Variants in CKM observed in about 807,000 individuals in gnomAD.
CKM encodes the protein creatine kinase, M-type.
CKM carries 28 observed loss-of-function variants against 35.4 expected under a neutral mutation model. The observed-to-expected ratio is 0.79, with a 90% CI of 0.59 to 1.08. The LOEUF (loss-of-function observed/expected upper bound fraction) is 1.08, where lower values mean the gene tolerates loss of function less well. CKM is among the 50% of genes least tolerant of loss of function. The pLI, the probability that CKM is intolerant of heterozygous loss-of-function variation, is 0.00. For synonymous variants in CKM, 215 were observed against 204.4 expected (o/e 1.05, Z -0.44); for missense variants, 484 against 509.8 (o/e 0.95, Z 0.49).
intron 4 of CKM, among the ~76,000 whole-genome samples, chr19:45,312,169 C>T (rs1971116560): frequency 6.6e-6 from 1 of 152,244 alleles, no homozygotes; most frequent in African/African-American, 2.4e-5. Flanking sequence ...CCCACCTCTT[C>T]CCCTGAGGGA....
At chr19:45,319,245 C>T (rs933175465) in intron 2 of CKM, among the ~76,000 whole-genome samples, 3 of 152,168 alleles carry the variant, frequency 2.0e-5, no homozygotes, top group Non-Finnish European at 4.4e-5. Flanking sequence ...AACGTGGGCG[C>T]CCATTTTTCA....
intron 3 of CKM, 65 bp downstream of exon 3, chr19:45,317,760 C>T (rs1971172493): frequency 6.5e-7 from 1 of 1,540,434 alleles, no homozygotes; most frequent in South Asian, 1.1e-5. Context: ...TCTGTCTCCC[C>T]CCATTTCTCC....
At chr19:45,315,033 G>A (rs1019549914) in intron 4 of CKM, among the ~76,000 whole-genome samples, 2 of 152,162 alleles carry the variant, frequency 1.3e-5, no homozygotes, top group African/African-American at 2.4e-5. Flanking sequence ...GGCTCCCCTC[G>A]GTCATTCTCC....
rs1971054362 is a variant in CKM at position 45,306,671 on chromosome 19, G to A, written c.*79C>T. ...ACTCTGGGACAGGGGGCGGGGCGAG[G>A]AGTGAGGGAGCAGGACTCTGGTGGG... On this transcript the variant is annotated 3_prime_UTR_variant, in exon 8 of 8. Transcript: ENST00000221476. This position sits in a 1 kb window ranked among gnomAD's most constrained non-coding sequence, Gnocchi z 4.5. 1 of 1,467,860 alleles carries A rather than the reference G, an allele frequency of 6.8e-7. No individual in the cohort carries two copies. Among genetic ancestry groups the A allele is most frequent in the Non-Finnish European group, 9.5e-7 (1 of 1,052,854 alleles). The allele number at this position is 1,467,860 out of a possible 1,614,324, so 90.9% of individuals were successfully genotyped here.
intron 1 of CKM, among the ~76,000 whole-genome samples, chr19:45,321,925 G>A (rs17875643): frequency 2.0e-5 from 3 of 151,992 alleles, no homozygotes; most frequent in African/African-American, 7.3e-5. Context: ...ACAGGGACCC[G>A]CCAAAGACCT....
rs1971111787 is a variant in CKM at position 45,311,762 on chromosome 19, C to T, written c.640G>A (p.Ala214Thr). 7.6e-6 allele frequency: 12 copies of T among 1,587,160 alleles called. No homozygotes were observed. Among genetic ancestry groups the T allele is most frequent in the Admixed American group, 7.1e-5 (4 of 56,350 alleles). The change falls in exon 5 of 8, where the codon GCC becomes ACC. Residue 214 changes from alanine to threonine, a missense_variant. Ala to Thr is a moderately conservative substitution (Grantham distance 58, BLOSUM62 0). Transcript: ENST00000221476. Reference sequence around the variant, plus strand: ...GAGGGGCCTCACCAGATGCCACGGGCGTCGGGCCAGTCGCGGGCCATGCCT... The same window carrying T: ...GAGGGGCCTCACCAGATGCCACGGGTGTCGGGCCAGTCGCGGGCCATGCCT... ...ASGMARDWPD[A>T]RGIWHNDNKS...
At chr19:45,316,836 A>G (rs953837923) in intron 3 of CKM, among the ~76,000 whole-genome samples, 3 of 150,300 alleles carry the variant, frequency 2.0e-5, no homozygotes, top group Admixed American at 1.3e-4. Context: ...ATAGGTGAAC[A>G]CCAGCATGCC....
chr19:45,308,548 G>A lies in CKM; in HGVS notation c.654-16C>T, dbSNP rs1328739382. ...GTCATTGTGCCTAGAGTAAGGTGCC[G>A]CAGCAAGAGGCCAAGGTGTCAGCCC... On this transcript the variant is annotated splice_polypyrimidine_tract_variant and intron_variant, in intron 5 of 7. Transcript: ENST00000221476. 7 of 1,613,904 alleles carry A rather than the reference G, an allele frequency of 4.3e-6. No individual in the cohort carries two copies. The East Asian group carries it at 6.7e-5, about 15-fold the overall frequency.
chr19:45,315,689 G>C, intron 3 of CKM, 92 bp from the exon 4 acceptor site: 1 of 1,524,602 alleles, frequency 6.6e-7, no homozygotes, highest in East Asian at 2.4e-5. Context: ...CAGTCTCCCT[G>C]TTGCTTCCTT....
chr19:45,311,256 G>T (rs1426372812), intron 5 of CKM, among the ~76,000 whole-genome samples: 12 of 143,522 alleles, frequency 8.4e-5, no homozygotes, highest in Non-Finnish European at 1.7e-4. Flanking sequence ...TTTTTTTTGA[G>T]ACAGTCTGGC....
At chr19:45,316,611 C>T (rs1310509798) in intron 3 of CKM, among the ~76,000 whole-genome samples, 1 of 151,886 alleles carries the variant, frequency 6.6e-6, no homozygotes, top group Non-Finnish European at 1.5e-5. Context: ...GCCACTGCAC[C>T]CAGCCTTTCT....
chr19:45,322,608 C>A (rs1274705379), intron 1 of CKM, among the ~76,000 whole-genome samples: 1 of 152,184 alleles, frequency 6.6e-6, no homozygotes, highest in African/African-American at 2.4e-5. Flanking sequence ...CCGCAGAAAT[C>A]ACAGGTCCCA....
At position 45,307,543 on chromosome 19, in the gene CKM, C is replaced by T. The variant is rs542554046; in HGVS notation, c.885G>A (p.Val295=). The T allele has an allele frequency of 1.2e-6, 2 of 1,614,028 alleles. No homozygotes were observed. The highest frequency in any genetic ancestry group is 1.7e-6 in the Non-Finnish European group (2 of 1,180,006). ...TGCTCAGGTGCGCCAGCTTCACATGCACGCCTCCACGCAGCCCAGTGCCCA... is the reference window on the plus strand; with the variant it reads ...TGCTCAGGTGCGCCAGCTTCACATGTACGCCTCCACGCAGCCCAGTGCCCA... ...SNLGTGLRGG[V]HVKLAHLSKH... The change falls in exon 7 of 8, where the codon GTG becomes GTA. Residue 295 remains valine (V), a synonymous_variant. Transcript: ENST00000221476.
chr19:45,306,887 A>C lies in CKM; in HGVS notation c.1009T>G (p.Ser337Ala), dbSNP rs754398806. The C allele has an allele frequency of 6.2e-7, 1 of 1,614,168 alleles. No homozygotes were observed. The highest frequency in any genetic ancestry group is 1.1e-5 in the South Asian group (1 of 91,086). ...TAAVGSVFDV[S>A]NADRLGSSEV... ...GACGAGCCCAGCCGATCAGCGTTGG[A>C]CACGTCAAATACTGAGCCCACGGCA... The change falls in exon 8 of 8, where the codon TCC becomes GCC. Residue 337 changes from serine to alanine, a missense_variant. Ser to Ala is a moderately conservative substitution (Grantham distance 99). Coordinates refer to ENST00000221476, the MANE Select transcript of CKM (RefSeq NM_001824.5). This position sits in a 1 kb window ranked among gnomAD's most constrained non-coding sequence, Gnocchi z 4.5.
intron 3 of CKM, among the ~76,000 whole-genome samples, chr19:45,316,596 G>A (rs1488064094): frequency 6.6e-6 from 1 of 151,800 alleles, no homozygotes; most frequent in Non-Finnish European, 1.5e-5. Context: ...GGGATTACAG[G>A]TATAGCCACT....
intron 1 of CKM, among the ~76,000 whole-genome samples, chr19:45,320,235 C>T (rs1971201123): frequency 6.6e-6 from 1 of 152,050 alleles, no homozygotes; most frequent in Non-Finnish European, 1.5e-5. Context: ...TACAGGCGCA[C>T]ACCACCATGC....
intron 4 of CKM, among the ~76,000 whole-genome samples, chr19:45,313,373 T>C (rs2123137645): frequency 6.6e-6 from 1 of 152,278 alleles, no homozygotes; most frequent in Middle Eastern, 3.4e-3. Context: ...ACTTAATGGA[T>C]AAATGTGTGT....
Position 45,306,693 on chromosome 19 carries a change from T to C in CKM, c.*57A>G. ...GAGGAGTGAGGGAGCAGGACTCTGG[T>C]GGGCCAGGCCCTCCCACTGGCTGGG... On this transcript the variant is annotated 3_prime_UTR_variant, in exon 8 of 8. Coordinates refer to ENST00000221476, the MANE Select transcript of CKM (RefSeq NM_001824.5). The surrounding 1 kb of genome is among the most constrained non-coding windows in gnomAD (Gnocchi z 4.5). The C allele has an allele frequency of 6.3e-7, 1 of 1,586,476 alleles. No homozygotes were observed. The highest frequency in any genetic ancestry group is 2.2e-5 in the East Asian group (1 of 44,756).
intron 5 of CKM, 72 bp from the exon 6 acceptor site, chr19:45,308,604 A>G (rs1971078313): frequency 6.2e-7 from 1 of 1,602,804 alleles, no homozygotes; most frequent in Non-Finnish European, 8.5e-7. Flanking sequence ...CCCTCCCCCA[A>G]AACATCTGCC....
Sources: gnomAD v4.1 joint callset for allele counts (sites outside exome capture counted in the v4.1 genomes callset) on GRCh38, gnomAD v4.1.1 for gene constraint, Gnocchi (gnomAD v3.1) non-coding constraint, MANE v1.5 for transcripts, NCBI Gene and HGNC (gene_info 2026-07-23, HGNC 2026-07-21) for gene names.